Variants in ZEB2 observed in about 807,000 individuals in gnomAD.
ZEB2 encodes the protein zinc finger E-box binding homeobox 2.
Under a neutral mutation model 99.9 loss-of-function variants are expected in ZEB2, and 6 were observed. The ratio of observed to expected loss-of-function variants is 0.06; its 90% CI spans 0.03 to 0.12. The LOEUF (loss-of-function observed/expected upper bound fraction) is 0.12. Ranked by LOEUF, ZEB2 falls within the 10% of genes least tolerant of loss-of-function variation. ZEB2 has a pLI of 1.00. For missense variants in ZEB2, 969 were observed against 1,502.8 expected (o/e 0.64, Z 5.87); for synonymous variants, 517 against 542.5 (o/e 0.95, Z 0.65).
intron 2 of ZEB2, chr2:144,512,908 T>G: frequency 7.8e-7 from 1 of 1,287,270 alleles, no homozygotes; most frequent in Non-Finnish European, 1.0e-6. Flanking sequence ...CCTGCCCCAG[T>G]GCTTTGAAAG....
chr2:144,441,820 C>T (rs547161186), intron 2 of ZEB2, among the ~76,000 whole-genome samples: 2 of 152,298 alleles, frequency 1.3e-5, no homozygotes, highest in South Asian at 2.1e-4. Context: ...TTGAAAGTGA[C>T]TATAAATTTT....
rs1241069782 is a variant in ZEB2 at position 144,399,795 on chromosome 2, T to C, written c.1392A>G (p.Leu464=). 2 of 1,614,206 alleles carry C rather than the reference T, an allele frequency of 1.2e-6. No homozygotes were observed. The highest frequency in any genetic ancestry group is 1.7e-6 in the Non-Finnish European group (2 of 1,180,034). ...TGGAAACAGTATTGTCCACAATCTG[T>C]AGAACCTTTTGTACCTCACTTAAAT... ...NSNLSEVQKV[L]QIVDNTVSRQ... The change falls in exon 8 of 10, where the codon CTA becomes CTG. Residue 464 remains leucine (L), a synonymous_variant. Transcript: ENST00000627532. The surrounding 1 kb of genome is among the most constrained non-coding windows in gnomAD (Gnocchi z 5.6).
intron 1 of ZEB2, 108 bp from the exon 2 acceptor site, chr2:144,517,527 C>G (rs1705177909): frequency 2.7e-6 from 2 of 736,238 alleles, no homozygotes; most frequent in Non-Finnish European, 4.8e-6. Context: ...CCATCCGCGC[C>G]CCCCAACGCC....
chr2:144,395,438 G>C (rs1703214089), intron 9 of ZEB2, among the ~76,000 whole-genome samples: 1 of 151,802 alleles, frequency 6.6e-6, no homozygotes, highest in Non-Finnish European at 1.5e-5. Flanking sequence ...TTTAGAATGA[G>C]TTGTTTTCCT....
chr2:144,496,308 C>A (rs551703535), intron 2 of ZEB2: 1 of 152,280 alleles, frequency 6.6e-6, no homozygotes, highest in South Asian at 2.1e-4. Context: ...CAGGGTTTAC[C>A]AAATTCCACT....
At chr2:144,475,820 A>G (rs750246212) in intron 2 of ZEB2, among the ~76,000 whole-genome samples, 2 of 152,118 alleles carry the variant, frequency 1.3e-5, no homozygotes, top group Non-Finnish European at 2.9e-5. Context: ...ACTTATCTCT[A>G]CCACCTCAGT....
In ZEB2 at chr2:144,517,324, G is replaced by T; in HGVS notation, c.27C>A (p.Gly9=). The change falls in exon 2 of 10, where the codon GGC becomes GGA. Residue 9 remains glycine, a synonymous_variant. Coordinates refer to ENST00000627532, the MANE Select transcript of ZEB2 (RefSeq NM_014795.4). ...CTTGTTTGCGCCTCTTGCACCGGGG[G>T]CCATCCGCCATGATCGGCTGCTTCA... MKQPIMAD[G]PRCKRRKQAN... 6.2e-7 allele frequency: 1 copy of T among 1,613,526 alleles called. No individual in the cohort carries two copies. The highest frequency in any genetic ancestry group is 8.5e-7 in the Non-Finnish European group (1 of 1,179,842).
At chr2:144,450,943 G>A (rs1490244547) in intron 2 of ZEB2, among the ~76,000 whole-genome samples, 1 of 152,170 alleles carries the variant, frequency 6.6e-6, no homozygotes, top group African/African-American at 2.4e-5. Context: ...CTCCCAAAGC[G>A]CTGGGATTAC....
chr2:144,480,213 G>T (rs1027964912), intron 2 of ZEB2, among the ~76,000 whole-genome samples: 7 of 152,056 alleles, frequency 4.6e-5, no homozygotes, highest in Non-Finnish European at 1.0e-4. Context: ...TAGAAAATAG[G>T]ACGGCCCCCA....
intron 2 of ZEB2, among the ~76,000 whole-genome samples, chr2:144,447,581 A>G (rs1186231458): frequency 6.6e-6 from 1 of 152,168 alleles, no homozygotes; most frequent in East Asian, 1.9e-4. Context: ...AATTCTCCCA[A>G]CTTATCTTCA....
At chr2:144,440,961 C>G (rs1197477415) in intron 2 of ZEB2, among the ~76,000 whole-genome samples, 1 of 150,136 alleles carries the variant, frequency 6.7e-6, no homozygotes, top group Admixed American at 6.7e-5. Context: ...CCAGACTTTC[C>G]CCTTTTTTTG....
intron 2 of ZEB2, among the ~76,000 whole-genome samples, chr2:144,488,502 A>C (rs999711238): frequency 6.6e-6 from 1 of 152,250 alleles, no homozygotes; most frequent in Middle Eastern, 3.2e-3. Context: ...CTTCTCTTGA[A>C]AGGCAAACAG....
At chr2:144,436,279 C>T (rs535575063) in intron 2 of ZEB2, among the ~76,000 whole-genome samples, 1 of 152,148 alleles carries the variant, frequency 6.6e-6, no homozygotes, top group Non-Finnish European at 1.5e-5. Context: ...TGTTAACATA[C>T]TATAGTCAGC....
chr2:144,483,699 T>C (rs1254439694), intron 2 of ZEB2, among the ~76,000 whole-genome samples: 1 of 152,160 alleles, frequency 6.6e-6, no homozygotes, highest in African/African-American at 2.4e-5. Context: ...TTTTGGATAA[T>C]TTGCAAAATA....
intron 2 of ZEB2, among the ~76,000 whole-genome samples, chr2:144,497,496 C>T (rs1236876781): frequency 1.3e-5 from 2 of 152,010 alleles, no homozygotes; most frequent in Non-Finnish European, 2.9e-5. Flanking sequence ...AATTATTGTA[C>T]AATGAGAAAA....
At chr2:144,418,607 G>C (rs1273536580) in intron 4 of ZEB2, among the ~76,000 whole-genome samples, 1 of 151,962 alleles carries the variant, frequency 6.6e-6, no homozygotes, top group Non-Finnish European at 1.5e-5. Context: ...AGAATTGCTT[G>C]AACCCAGGAG....
intron 2 of ZEB2, among the ~76,000 whole-genome samples, chr2:144,452,472 A>T (rs1317527781): frequency 6.6e-6 from 1 of 152,200 alleles, no homozygotes; most frequent in Non-Finnish European, 1.5e-5. Flanking sequence ...ATCACCACAA[A>T]AGGCTAAACA....
chr2:144,480,757 G>A (rs1217737975), intron 2 of ZEB2, among the ~76,000 whole-genome samples: 1 of 148,114 alleles, frequency 6.8e-6, no homozygotes, highest in East Asian at 2.0e-4. Context: ...AAAGGACAAG[G>A]CTAATAAATG....
At chr2:144,422,205 A>G (rs1255133125) in intron 4 of ZEB2, among the ~76,000 whole-genome samples, 1 of 152,174 alleles carries the variant, frequency 6.6e-6, no homozygotes, top group Non-Finnish European at 1.5e-5. Flanking sequence ...GTAGCATAAC[A>G]TGACCCAGAC....
Sources: allele counts gnomAD v4.1 joint callset (sites outside exome capture counted in the v4.1 genomes callset), GRCh38; gene constraint gnomAD v4.1.1; non-coding constraint Gnocchi (gnomAD v3.1); transcripts MANE v1.5; gene names NCBI Gene and HGNC (gene_info 2026-07-23, HGNC 2026-07-21).